Variants in TTYH3 observed in about 807,000 individuals in gnomAD.
The protein encoded by TTYH3 is protein tweety homolog 3.
In TTYH3, 23 loss-of-function variants were observed where a neutral mutation model predicts 68.2. That is an observed-to-expected ratio of 0.34 (90% CI 0.24 to 0.48). The LOEUF (loss-of-function observed/expected upper bound fraction) is 0.48, where lower values mean the gene tolerates loss of function less well. TTYH3 is among the 20% of genes least tolerant of loss of function. The pLI is 0.99. For missense variants in TTYH3, 768 were observed against 727.7 expected, an observed-to-expected ratio of 1.06 and a Z score of -0.64; for synonymous variants, 360 against 332.8, an observed-to-expected ratio of 1.08 and a Z score of -0.89.
At position 2,656,193 on chromosome 7, in the gene TTYH3, C is replaced by A; in HGVS notation, c.1113+9C>A. 11 of 1,562,574 alleles carry A rather than the reference C, an allele frequency of 7.0e-6. No individual in the cohort carries two copies. The highest frequency in any genetic ancestry group is 9.5e-6 in the Non-Finnish European group (11 of 1,153,422). Reference sequence around the variant, plus strand: ...GCCGCAGCCTGCATCTGGTGAGAGGCAGGGCCTGGGACAGGGCCATGGCAG... The same window carrying A: ...GCCGCAGCCTGCATCTGGTGAGAGGAAGGGCCTGGGACAGGGCCATGGCAG... On this transcript the variant is annotated intron_variant, in intron 10 of 13. Coordinates refer to ENST00000258796, the MANE Select transcript of TTYH3 (RefSeq NM_025250.3).
intron 1 of TTYH3, among the ~76,000 whole-genome samples, chr7:2,635,465 A>AC (rs1427363528): frequency 6.6e-6 from 1 of 152,008 alleles, no homozygotes; most frequent in Non-Finnish European, 1.5e-5. Context: ...ATGCCCACTG[A>AC]CCTCAGCCTC....
chr7:2,640,370 C>T (rs117338708), intron 1 of TTYH3, among the ~76,000 whole-genome samples: 47 of 151,808 alleles, frequency 3.1e-4, no homozygotes, highest in African/African-American at 8.5e-4. Context: ...TGCTCCCAGG[C>T]GTGTGCATGT....
Position 2,661,806 on chromosome 7 carries a change from A to C in TTYH3, c.*67A>C. 6.6e-7 allele frequency: 1 copy of C among 1,512,392 alleles called. No homozygotes were observed. Among genetic ancestry groups the C allele is most frequent in the Non-Finnish European group, 8.9e-7 (1 of 1,118,328 alleles). The allele number at this position is 1,512,392 out of a possible 1,614,324, so 93.7% of individuals were successfully genotyped here. ...TCCCCGTGCCAGCACTGCCGCTTCCACCTGGGCCACCCACCGGACCCTCGC... is the reference window on the plus strand; with the variant it reads ...TCCCCGTGCCAGCACTGCCGCTTCCCCCTGGGCCACCCACCGGACCCTCGC... On this transcript the variant is annotated 3_prime_UTR_variant, in exon 14 of 14. Transcript: ENST00000258796.
intron 9 of TTYH3, among the ~76,000 whole-genome samples, chr7:2,653,678 C>T (rs1437075805): frequency 4.6e-5 from 7 of 152,194 alleles, no homozygotes; most frequent in Non-Finnish European, 1.0e-4. Flanking sequence ...GCCTGGCCAA[C>T]ATGGTGAAAC....
Position 2,632,110 on chromosome 7 carries a change from G to A in TTYH3, c.-46G>A, listed in dbSNP as rs956522161. 47 of 1,288,772 alleles carry A rather than the reference G, an allele frequency of 3.6e-5. No individual in the cohort carries two copies. Among genetic ancestry groups the A allele is most frequent in the Non-Finnish European group, 4.5e-5 (46 of 1,014,474 alleles). The allele number at this position is 1,288,772 out of a possible 1,614,324, so 79.8% of individuals were successfully genotyped here. A position where few individuals can be genotyped will look rare whatever the true frequency, so the allele number is the denominator to read the frequency against. ...AAGCCCGCGCCCCGGGCCAGCAAGG[G>A]AGCCCCGCGCAGGCCGCGCGCATCC... On this transcript the variant is annotated 5_prime_UTR_variant, in exon 1 of 14. Coordinates refer to ENST00000258796, the MANE Select transcript of TTYH3 (RefSeq NM_025250.3).
At position 2,649,948 on chromosome 7, in the gene TTYH3, C is replaced by T. The variant is rs377750989; in HGVS notation, c.831C>T (p.Tyr277=). The T allele has an allele frequency of 3.5e-5, 57 of 1,614,014 alleles. No homozygotes were observed. Among genetic ancestry groups the T allele is most frequent in the African/African-American group, 2.0e-4 (15 of 75,030 alleles). ...SSDFCVDPDA[Y]VTKMVEEYSV... ...ACTTCTGTGTGGACCCTGACGCCTACGTGACCAAAATGGTGGAGGAGTACT... is the reference window on the plus strand; with the variant it reads ...ACTTCTGTGTGGACCCTGACGCCTATGTGACCAAAATGGTGGAGGAGTACT... Residue 277 remains tyrosine, a synonymous_variant, in exon 7 of 14, where the codon TAC becomes TAT. Coordinates refer to ENST00000258796, the MANE Select transcript of TTYH3 (RefSeq NM_025250.3).
At chr7:2,641,070 G>A (rs943127594) in intron 1 of TTYH3, among the ~76,000 whole-genome samples, 3 of 152,202 alleles carry the variant, frequency 2.0e-5, no homozygotes, top group Non-Finnish European at 2.9e-5. Flanking sequence ...GCATATGCCT[G>A]GGTGTAGAGG....
chr7:2,650,564 G>A (rs1327422931), intron 7 of TTYH3, among the ~76,000 whole-genome samples: 1 of 151,754 alleles, frequency 6.6e-6, no homozygotes, highest in East Asian at 1.9e-4. Context: ...GGCAACAAGA[G>A]TGAAACTCCA....
intron 1 of TTYH3, among the ~76,000 whole-genome samples, chr7:2,643,811 C>CAGCTGGT (rs112707413): frequency 2.3e-4 from 35 of 151,960 alleles, no homozygotes; most frequent in Non-Finnish European, 5.9e-5. Flanking sequence ...GCGGAGGTCA[C>CAGCTGGT]ACCTGTTTAG....
At chr7:2,656,703 G>T (rs895631482) in intron 11 of TTYH3, among the ~76,000 whole-genome samples, 169 bp downstream of exon 11, 1 of 152,192 alleles carries the variant, frequency 6.6e-6, no homozygotes, top group African/African-American at 2.4e-5. Flanking sequence ...TGAGGCTGCC[G>T]GTTCCCAGGT....
chr7:2,642,059 G>T (rs1325564740), intron 1 of TTYH3, among the ~76,000 whole-genome samples: 3 of 152,242 alleles, frequency 2.0e-5, no homozygotes, highest in African/African-American at 7.2e-5. Context: ...GGGCTGAGGA[G>T]CGAGGCTCCG....
In TTYH3 at chr7:2,654,888, G is replaced by A. The variant is rs1018877152; in HGVS notation, c.1021-1204G>A. Among the ~76,000 whole-genome samples, 4 of 151,982 alleles carry A rather than the reference G, an allele frequency of 2.6e-5. No homozygotes were observed. The East Asian group carries it at 7.8e-4, about 30-fold the overall frequency. On this transcript the variant is annotated intron_variant, in intron 9 of 13. Coordinates refer to ENST00000258796, the MANE Select transcript of TTYH3 (RefSeq NM_025250.3). Reference sequence around the variant, plus strand: ...CAACCTCTGCCTTCTGGGTTCCAGCGATTCTCCTGCTGAGTAGCTGGGATT... The same window carrying A: ...CAACCTCTGCCTTCTGGGTTCCAGCAATTCTCCTGCTGAGTAGCTGGGATT...
intron 1 of TTYH3, among the ~76,000 whole-genome samples, chr7:2,643,083 C>T (rs1439563963): frequency 2.1e-5 from 3 of 142,898 alleles, no homozygotes; most frequent in East Asian, 2.1e-4. Context: ...AGGCTGGGCA[C>T]GGTGGTTCAC....
At chr7:2,660,249 G>T (rs1786459003) in intron 13 of TTYH3, 1 of 985,306 alleles carries the variant, frequency 1.0e-6, no homozygotes, top group Non-Finnish European at 1.2e-6. Flanking sequence ...GGGTTGGCAA[G>T]TCCCCTTCCA....
At chr7:2,649,766 A>T in intron 6 of TTYH3, 127 bp downstream of exon 6, 1 of 1,428,460 alleles carries the variant, frequency 7.0e-7, no homozygotes, top group Non-Finnish European at 9.7e-7. Context: ...GTGGGGACCC[A>T]CCATGGGCAC....
Position 2,656,202 on chromosome 7 carries a change from G to T in TTYH3, c.1113+18G>T. 1 of 1,560,734 alleles carries T rather than the reference G, an allele frequency of 6.4e-7. No homozygotes were observed. Among genetic ancestry groups the T allele is most frequent in the Non-Finnish European group, 8.7e-7 (1 of 1,152,158 alleles). ...TGCATCTGGTGAGAGGCAGGGCCTG[G>T]GACAGGGCCATGGCAGCTTGTAGGG... On this transcript the variant is annotated intron_variant, in intron 10 of 13. Transcript: ENST00000258796.
chr7:2,660,098 A>C (rs1378441226), intron 13 of TTYH3: 3 of 1,260,924 alleles, frequency 2.4e-6, no homozygotes, highest in Non-Finnish European at 3.1e-6. Context: ...TCCCGCCTCC[A>C]CCCTGCACTC....
intron 13 of TTYH3, chr7:2,660,433 G>A: frequency 1.0e-6 from 1 of 985,426 alleles, no homozygotes; most frequent in South Asian, 4.7e-5. Flanking sequence ...CTGCGTGTCA[G>A]GGGCGTGCAC....
rs1786401421 is a variant in TTYH3, at chr7:2,658,473, G to GGCCTAGTGGGGCCAGC, written c.1424+16_1424+31dup. On this transcript the variant is annotated intron_variant, in intron 12 of 13. Coordinates refer to ENST00000258796, the MANE Select transcript of TTYH3 (RefSeq NM_025250.3). ...CACTGAGTACATGTGAGTTGACGTGGGCCTAGTGGGGCCAGCGGACACGTC... is the reference window on the plus strand; with the variant it reads ...CACTGAGTACATGTGAGTTGACGTGGGCCTAGTGGGGCCAGCGCCTAGTGGGGCCAGCGGACACGTC... The GGCCTAGTGGGGCCAGC allele has an allele frequency of 1.9e-6, 3 of 1,595,856 alleles. No individual in the cohort carries two copies. Among genetic ancestry groups the GGCCTAGTGGGGCCAGC allele is most frequent in the Middle Eastern group, 1.7e-4 (1 of 5,942 alleles).
Sources: allele counts gnomAD v4.1 joint callset (sites outside exome capture counted in the v4.1 genomes callset), GRCh38; gene constraint gnomAD v4.1.1; transcripts MANE v1.5; gene names NCBI Gene and HGNC (gene_info 2026-07-23, HGNC 2026-07-21).